Variants in TIAM2 observed in about 807,000 individuals in gnomAD.
TIAM2 encodes rho guanine nucleotide exchange factor TIAM2.
In TIAM2, 80 loss-of-function variants were observed where a neutral mutation model predicts 152.9. That is an observed-to-expected ratio of 0.52 (90% CI 0.44 to 0.63). The LOEUF (loss-of-function observed/expected upper bound fraction) is 0.63. TIAM2 is among the 30% of genes least tolerant of loss of function. The pLI, the probability that TIAM2 is intolerant of heterozygous loss-of-function variation, is 0.00. For missense variants in TIAM2, 1,965 were observed against 2,120.1 expected (o/e 0.93, Z 1.44); for synonymous variants, 804 against 838.0 (o/e 0.96, Z 0.70).
chr6:155,223,588 A>G (rs986600605), intron 15 of TIAM2, among the ~76,000 whole-genome samples: 2 of 151,152 alleles, frequency 1.3e-5, no homozygotes, highest in African/African-American at 4.9e-5. Context: ...TTAAACACCA[A>G]TCGCAGCATT....
In TIAM2 at chr6:155,104,042, C is replaced by CCCT. The variant is rs1778614995; in HGVS notation, c.-118+13665_-118+13666insTCC. On this transcript the variant is annotated intron_variant, in intron 2 of 26. Transcript: ENST00000682666. The stretch of plus-strand genomic sequence containing the variant: ...CTGTATTTACCTCACACACACACAC[C>CCCT]CCCCCCCCCACACCCCCACACACCC... 3.2e-4 allele frequency among the ~76,000 whole-genome samples: 20 copies of CCCT among 62,010 alleles called. 1 individual carries two copies. Among genetic ancestry groups the CCCT allele is most frequent in the African/African-American group, 1.5e-3 (17 of 11,460 alleles). 40.7% of individuals were successfully genotyped at this position (62,010 alleles called of 152,430 possible).
intron 1 of TIAM2, among the ~76,000 whole-genome samples, chr6:155,025,050 G>T (rs1265045333): frequency 6.6e-6 from 1 of 152,042 alleles, no homozygotes; most frequent in South Asian, 2.1e-4. Context: ...TTTTAGAGAC[G>T]GAGTCTGGCT....
intron 14 of TIAM2, among the ~76,000 whole-genome samples, chr6:155,209,776 T>C (rs1368731905): frequency 6.6e-6 from 1 of 152,168 alleles, no homozygotes; most frequent in Non-Finnish European, 1.5e-5. Context: ...ATTATATGTT[T>C]TCCGGAGGCC....
At chr6:155,150,972 C>T (rs1441501959) in intron 7 of TIAM2, among the ~76,000 whole-genome samples, 1 of 152,170 alleles carries the variant, frequency 6.6e-6, no homozygotes, top group African/African-American at 2.4e-5. Context: ...GGTATTTTAT[C>T]CCCATTCACG....
At chr6:155,166,532 A>C (rs1780441645) in intron 9 of TIAM2, among the ~76,000 whole-genome samples, 1 of 152,130 alleles carries the variant, frequency 6.6e-6, no homozygotes, top group African/African-American at 2.4e-5. Flanking sequence ...CCTGTTGGCC[A>C]GGCTGGTTGT....
At chr6:155,017,572 T>C (rs369389175) in intron 1 of TIAM2, among the ~76,000 whole-genome samples, 49 of 150,600 alleles carry the variant, frequency 3.3e-4, no homozygotes, top group African/African-American at 1.1e-3. Flanking sequence ...AGTGCGATCT[T>C]GGCTCATTGC....
chr6:155,096,486 C>T (rs1245195164), intron 2 of TIAM2, among the ~76,000 whole-genome samples: 1 of 152,156 alleles, frequency 6.6e-6, no homozygotes, highest in Non-Finnish European at 1.5e-5. Context: ...CATTAATCAA[C>T]CTGTCTTCAT....
At chr6:155,008,377 C>T (rs533114329) in intron 1 of TIAM2, among the ~76,000 whole-genome samples, 7 of 152,278 alleles carry the variant, frequency 4.6e-5, no homozygotes, top group African/African-American at 7.2e-5. Context: ...GTGCACATGA[C>T]GAACATATAC....
At chr6:155,071,853 G>A (rs903974748) in intron 1 of TIAM2, among the ~76,000 whole-genome samples, 6 of 149,640 alleles carry the variant, frequency 4.0e-5, no homozygotes, top group Admixed American at 2.7e-4. Context: ...CCGAGATCGC[G>A]TCACTGCACT....
Position 155,129,087 on chromosome 6 carries a change from C to T in TIAM2, c.-6-131C>T. 1 of 789,918 alleles carries T rather than the reference C, an allele frequency of 1.3e-6. No individual in the cohort carries two copies. The highest frequency in any genetic ancestry group is 2.0e-6 in the Non-Finnish European group (1 of 505,518). 48.9% of individuals were successfully genotyped at this position (789,918 alleles called of 1,614,324 possible). A position where few individuals can be genotyped will look rare whatever the true frequency, so the allele number is the denominator to read the frequency against. ...GCCTGTTCTACTGACTGACTCTTGTCCCTACTCCTCTGAGTCCTTCCAGGC... is the reference window on the plus strand; with the variant it reads ...GCCTGTTCTACTGACTGACTCTTGTTCCTACTCCTCTGAGTCCTTCCAGGC... On this transcript the variant is annotated intron_variant, in intron 3 of 26. Transcript: ENST00000682666. This position sits in a 1 kb window ranked among gnomAD's most constrained non-coding sequence, Gnocchi z 4.8.
At chr6:155,133,615 C>T (rs1779493772) in intron 4 of TIAM2, among the ~76,000 whole-genome samples, 1 of 152,164 alleles carries the variant, frequency 6.6e-6, no homozygotes, top group South Asian at 2.1e-4. Flanking sequence ...ATTGCCCTCT[C>T]CTGCCCCTGG....
intron 15 of TIAM2, among the ~76,000 whole-genome samples, chr6:155,222,011 T>C (rs1782061675): frequency 6.6e-6 from 1 of 152,030 alleles, no homozygotes; most frequent in Admixed American, 6.5e-5. Context: ...TGGAGTGCAG[T>C]GGCGCGATCT....
At chr6:155,231,785 A>G (rs1473602268) in intron 15 of TIAM2, among the ~76,000 whole-genome samples, 2 of 152,250 alleles carry the variant, frequency 1.3e-5, no homozygotes, top group Non-Finnish European at 2.9e-5. Flanking sequence ...ACTCAAGAGC[A>G]TCATCTGTGT....
At chr6:155,244,353 C>T (rs571084298) in intron 17 of TIAM2, among the ~76,000 whole-genome samples, 11 of 152,286 alleles carry the variant, frequency 7.2e-5, no homozygotes, top group African/African-American at 2.6e-4. Flanking sequence ...TCAATACATA[C>T]CTTTGTAATG....
intron 15 of TIAM2, among the ~76,000 whole-genome samples, chr6:155,236,875 A>G (rs1387711395): frequency 6.6e-6 from 1 of 152,164 alleles, no homozygotes; most frequent in African/African-American, 2.4e-5. Flanking sequence ...TGGGAGCTAC[A>G]AGATGGGATT....
chr6:155,001,244 C>T (rs377679230), intron 1 of TIAM2, among the ~76,000 whole-genome samples: 26 of 152,222 alleles, frequency 1.7e-4, no homozygotes, highest in South Asian at 1.7e-3. Flanking sequence ...CATATGACAA[C>T]CTAGAAGGAG....
intron 1 of TIAM2, among the ~76,000 whole-genome samples, chr6:154,999,513 A>G (rs941343547): frequency 6.6e-6 from 1 of 151,900 alleles, no homozygotes; most frequent in African/African-American, 2.4e-5. Flanking sequence ...GGCCAGGAAA[A>G]ATAATTTTTA....
Position 155,130,243 on chromosome 6 carries a change from T to C in TIAM2, c.1020T>C (p.Asp340=), listed in dbSNP as rs1290050791. Residue 340 remains aspartate (D), a synonymous_variant, in exon 4 of 27, where the codon GAT becomes GAC. Coordinates refer to ENST00000682666, the MANE Select transcript of TIAM2 (RefSeq NM_012454.4). ...GTGTCTCTTTTGCTTCCGACATTGA[T>C]GTGCCCTCCAGAGTGGCACACGGGG... The part of the protein sequence containing the change: ...SNRVSFASDI[D]VPSRVAHGDP... The C allele has an allele frequency of 1.7e-5, 27 of 1,614,086 alleles. No homozygotes were observed. The highest frequency in any genetic ancestry group is 2.3e-5 in the Non-Finnish European group (27 of 1,180,042).
intron 9 of TIAM2, among the ~76,000 whole-genome samples, chr6:155,171,342 C>G (rs575500786): frequency 1.3e-5 from 2 of 152,198 alleles, no homozygotes; most frequent in African/African-American, 2.4e-5. Context: ...GAGTCTTACA[C>G]GGCCTTTGAA....
Sources: allele counts gnomAD v4.1 joint callset (sites outside exome capture counted in the v4.1 genomes callset), GRCh38; gene constraint gnomAD v4.1.1; non-coding constraint Gnocchi (gnomAD v3.1); transcripts MANE v1.5; gene names NCBI Gene and HGNC (gene_info 2026-07-23, HGNC 2026-07-21).